Variants in TBK1 observed in about 807,000 individuals in gnomAD.
TBK1 encodes the protein serine/threonine-protein kinase TBK1.
In TBK1, 37 loss-of-function variants were observed where a neutral mutation model predicts 99.9. That is an observed-to-expected ratio of 0.37 (90% CI 0.28 to 0.49). The LOEUF (loss-of-function observed/expected upper bound fraction) is 0.49, where lower values mean the gene tolerates loss of function less well. Among genes scored for constraint, TBK1 ranks in the 20% least tolerant of loss-of-function variants. The pLI, the probability that TBK1 is intolerant of heterozygous loss-of-function variation, is 0.98. For synonymous variants in TBK1, 258 were observed against 279.8 expected (o/e 0.92, Z 0.78); for missense variants, 644 against 872.5 (o/e 0.74, Z 3.30).
Position 64,455,295 on chromosome 12 carries a change from A to AT in TBK1, c.-31-537dup, listed in dbSNP as rs1017713574. On this transcript the variant is annotated intron_variant, in intron 1 of 20. Coordinates refer to ENST00000331710, the MANE Select transcript of TBK1 (RefSeq NM_013254.4). Reference sequence around the variant, plus strand: ...GCCACTGCTCCCAGCTGAAACTTAGATTTTTTTTGTCATATTATTGTATTT... The same window carrying AT: ...GCCACTGCTCCCAGCTGAAACTTAGATTTTTTTTTGTCATATTATTGTATTT... Among the ~76,000 whole-genome samples, 21 of 151,964 alleles carry AT rather than the reference A, an allele frequency of 1.4e-4. No individual in the cohort carries two copies. In the South Asian group the frequency reaches 2.7e-3, roughly 20 times the overall value.
intron 2 of TBK1, among the ~76,000 whole-genome samples, chr12:64,456,709 G>T (rs189287201): frequency 6.6e-6 from 1 of 152,036 alleles, no homozygotes; most frequent in African/African-American, 2.4e-5. Context: ...AGGCGTGGTG[G>T]CGGGCGCCTG....
intron 6 of TBK1, among the ~76,000 whole-genome samples, chr12:64,476,020 A>T (rs2040708275): frequency 6.6e-6 from 1 of 151,768 alleles, no homozygotes; most frequent in Non-Finnish European, 1.5e-5. Context: ...CCTCACCAGC[A>T]TCTGTTACTT....
chr12:64,457,065 A>C (rs2040496902), intron 2 of TBK1, among the ~76,000 whole-genome samples: 1 of 152,192 alleles, frequency 6.6e-6, no homozygotes, highest in African/African-American at 2.4e-5. Context: ...TTCGAGCTAA[A>C]TGATGTTTGG....
At chr12:64,493,725 G>A (rs1022239570) in intron 13 of TBK1, among the ~76,000 whole-genome samples, 5 of 152,192 alleles carry the variant, frequency 3.3e-5, no homozygotes, top group African/African-American at 1.2e-4. Context: ...CACCTCGGAT[G>A]TGTTGAGTCA....
chr12:64,482,036 TTTC>T lies in TBK1; in HGVS notation c.992+21_992+23del, dbSNP rs138753162. The T allele has an allele frequency of 1.2e-3, 1,802 of 1,468,266 alleles. 20 individuals are homozygous for T. In the African/African-American group the frequency reaches 0.018, roughly 15 times the overall value. 91.0% of individuals were successfully genotyped at this position (1,468,266 alleles called of 1,614,324 possible). A position where few individuals can be genotyped will look rare whatever the true frequency, so the allele number is the denominator to read the frequency against. On this transcript the variant is annotated intron_variant, in intron 8 of 20. Transcript: ENST00000331710. The stretch of plus-strand genomic sequence containing the variant: ...AGCTATAATACGTAAGTATCTCTAT[TTTC>T]TTCTTGTATCAACATGTTCTGTTAT...
At chr12:64,490,231 G>A (rs1239662067) in intron 13 of TBK1, 112 bp downstream of exon 13, 12 of 619,808 alleles carry the variant, frequency 1.9e-5, no homozygotes, top group East Asian at 6.5e-5. Flanking sequence ...ACCTAGAGTC[G>A]CAACTACTCA....
intron 13 of TBK1, among the ~76,000 whole-genome samples, chr12:64,491,752 G>A (rs1034139940): frequency 6.6e-6 from 1 of 152,166 alleles, no homozygotes; most frequent in Non-Finnish European, 1.5e-5. Context: ...TTCCAGCTTA[G>A]GCTGATGTTT....
At chr12:64,492,756 C>T (rs560525551) in intron 13 of TBK1, among the ~76,000 whole-genome samples, 38 of 151,868 alleles carry the variant, frequency 2.5e-4, no homozygotes, top group Admixed American at 6.6e-4. Flanking sequence ...TGGAGTCTCA[C>T]TCTTTCGCCA....
At position 64,458,222 on chromosome 12, in the gene TBK1, G is replaced by A. The variant is rs1163394518; in HGVS notation, c.88-1967G>A. Among the ~76,000 whole-genome samples the A allele has an allele frequency of 2.6e-5, 4 of 152,108 alleles. No individual in the cohort carries two copies. The East Asian group carries it at 7.7e-4, about 29-fold the overall frequency. On this transcript the variant is annotated intron_variant, in intron 2 of 20. Transcript: ENST00000331710. ...GAAACCATATTTGTTCTTAATGATG[G>A]CAGTTGCAACTGTTTAGGACTATAT...
intron 2 of TBK1, among the ~76,000 whole-genome samples, chr12:64,459,014 G>A (rs780524817): frequency 2.0e-5 from 3 of 152,290 alleles, no homozygotes; most frequent in Non-Finnish European, 4.4e-5. Flanking sequence ...CAGTTAAATG[G>A]CCTTAAGAAA....
At chr12:64,477,593 A>G (rs543054044) in intron 6 of TBK1, among the ~76,000 whole-genome samples, 61 of 152,280 alleles carry the variant, frequency 4.0e-4, no homozygotes, top group African/African-American at 1.4e-3. Context: ...TCATACTGTC[A>G]GTGAAGAGAG....
chr12:64,499,027 T>A (rs2040959046), intron 20 of TBK1, among the ~76,000 whole-genome samples: 1 of 140,956 alleles, frequency 7.1e-6, no homozygotes, highest in African/African-American at 2.6e-5. Context: ...TGGGTTTTAC[T>A]AATTTTATTC....
chr12:64,460,672 A>G (rs1187509281), intron 3 of TBK1, among the ~76,000 whole-genome samples: 1 of 151,878 alleles, frequency 6.6e-6, no homozygotes, highest in Non-Finnish European at 1.5e-5. Flanking sequence ...CGTCTCTACT[A>G]AAAATACAAA....
chr12:64,493,304 C>T (rs563642931), intron 13 of TBK1, among the ~76,000 whole-genome samples: 1 of 152,218 alleles, frequency 6.6e-6, no homozygotes, highest in South Asian at 2.1e-4. Context: ...AAAGTTTTGT[C>T]CATTGCCCTG....
intron 13 of TBK1, among the ~76,000 whole-genome samples, chr12:64,493,086 G>A (rs2040887588): frequency 6.6e-6 from 1 of 151,678 alleles, no homozygotes; most frequent in Non-Finnish European, 1.5e-5. Flanking sequence ...AGTAGAGACG[G>A]GGTTTCACCG....
At position 64,459,408 on chromosome 12, in the gene TBK1, C is replaced by T. The variant is rs562464747; in HGVS notation, c.88-781C>T. ...TGAAATGTAAGCATGTGTTTTGAACCTCTAAGATTCCCTCCCAACTACAGC... is the reference window on the plus strand; with the variant it reads ...TGAAATGTAAGCATGTGTTTTGAACTTCTAAGATTCCCTCCCAACTACAGC... On this transcript the variant is annotated intron_variant, in intron 2 of 20. Coordinates refer to ENST00000331710, the MANE Select transcript of TBK1 (RefSeq NM_013254.4). 2.0e-5 allele frequency among the ~76,000 whole-genome samples: 3 copies of T among 152,272 alleles called. No homozygotes were observed. The East Asian group carries it at 5.8e-4, about 29-fold the overall frequency.
At chr12:64,459,907 A>G (rs1398697358) in intron 2 of TBK1, among the ~76,000 whole-genome samples, 3 of 152,086 alleles carry the variant, frequency 2.0e-5, no homozygotes, top group African/African-American at 7.2e-5. Flanking sequence ...ATGTGTGACT[A>G]TTTTTGCCCC....
chr12:64,500,753 C>CTTTTT (rs1009756107), intron 20 of TBK1, among the ~76,000 whole-genome samples: 17 of 98,962 alleles, frequency 1.7e-4, no homozygotes, highest in East Asian at 3.0e-4. Context: ...AACTCGGTAT[C>CTTTTT]TTTTTTTTTT....
At chr12:64,461,767 G>T (rs1213522778) in intron 3 of TBK1, among the ~76,000 whole-genome samples, 1 of 152,148 alleles carries the variant, frequency 6.6e-6, no homozygotes, top group Non-Finnish European at 1.5e-5. Flanking sequence ...ATGACACTCA[G>T]GTTTGGTAAT....
Sources: gnomAD v4.1 joint callset for allele counts (sites outside exome capture counted in the v4.1 genomes callset) on GRCh38, gnomAD v4.1.1 for gene constraint, MANE v1.5 for transcripts, NCBI Gene and HGNC (gene_info 2026-07-23, HGNC 2026-07-21) for gene names.